PLOD1: variants seen among roughly 807,000 people sequenced by gnomAD.
PLOD1 encodes the protein procollagen-lysine,2-oxoglutarate 5-dioxygenase 1, also known as lysine hydroxylase.
PLOD1 carries 70 observed loss-of-function variants against 94.7 expected under a neutral mutation model. That is an observed-to-expected ratio of 0.74 (90% CI 0.61 to 0.90). The LOEUF is 0.90. Ranked by LOEUF, PLOD1 falls within the 40% of genes least tolerant of loss-of-function variation. The probability of loss-of-function intolerance (pLI) is 0.00; values close to 1 mark genes in which losing one functional copy is unlikely to be tolerated. For missense variants in PLOD1, 905 were observed against 972.7 expected, an observed-to-expected ratio of 0.93 and a Z score of 0.93; for synonymous variants, 417 against 400.2, an observed-to-expected ratio of 1.04 and a Z score of -0.50.
chr1:11,950,298 C>T lies in PLOD1; in HGVS notation c.303-59C>T, dbSNP rs1363621825. ...GATCCCTGGTCCCTCCTGTCTGTGCCCTCACTGGGCCCCTGCTCACCCTTG... is the reference window on the plus strand; with the variant it reads ...GATCCCTGGTCCCTCCTGTCTGTGCTCTCACTGGGCCCCTGCTCACCCTTG... On this transcript the variant is annotated intron_variant, in intron 3 of 18. Transcript: ENST00000196061. 7.1e-6 allele frequency: 11 copies of T among 1,540,886 alleles called. No individual in the cohort carries two copies. In the East Asian group the frequency reaches 2.5e-4, roughly 35 times the overall value.
In PLOD1 at chr1:11,972,804, C is replaced by G. The variant is rs1365063166; in HGVS notation, c.1903-68C>G. The G allele has an allele frequency of 1.4e-5, 22 of 1,587,696 alleles. No homozygotes were observed. The highest frequency in any genetic ancestry group is 1.8e-5 in the Non-Finnish European group (21 of 1,156,896). ...GCCAGACCAGGCCCCATGTGTGCAC[C>G]CTCCTCTCCTGGCCTTTGTGTCCTC... On this transcript the variant is annotated intron_variant, in intron 17 of 18. Coordinates refer to ENST00000196061, the MANE Select transcript of PLOD1 (RefSeq NM_000302.4). This position sits in a 1 kb window ranked among gnomAD's most constrained non-coding sequence, Gnocchi z 4.6.
chr1:11,937,364 C>T (rs763821765), intron 1 of PLOD1, among the ~76,000 whole-genome samples: 9 of 152,164 alleles, frequency 5.9e-5, no homozygotes, highest in African/African-American at 1.9e-4. Flanking sequence ...GAAAGGCCCT[C>T]GGCAAAGGGC....
intron 5 of PLOD1, chr1:11,954,271 G>A (rs1645722561): frequency 2.1e-5 from 6 of 288,596 alleles, no homozygotes; most frequent in Admixed American, 1.9e-4. Flanking sequence ...TCAGGAGTTC[G>A]AGACCAGCCT....
At position 11,958,401 on chromosome 1, in the gene PLOD1, T is replaced by G. The variant is rs746708085; in HGVS notation, c.844-115T>G. 18 of 1,243,548 alleles carry G rather than the reference T, an allele frequency of 1.4e-5. No individual in the cohort carries two copies. The highest frequency in any genetic ancestry group is 1.0e-5 in the Non-Finnish European group (9 of 875,336). 77.0% of individuals were successfully genotyped at this position (1,243,548 alleles called of 1,614,324 possible). ...AGTTCCCCGGCCCGGGCACCTTTCT[T>G]GGGAAGTCTACATGCTTCTGATTCT... On this transcript the variant is annotated intron_variant, in intron 8 of 18. Transcript: ENST00000196061. The surrounding 1 kb of genome is among the most constrained non-coding windows in gnomAD (Gnocchi z 4.3).
chr1:11,957,834 C>A lies in PLOD1; in HGVS notation c.742-8C>A. On this transcript the variant is annotated splice_region_variant and splice_polypyrimidine_tract_variant and intron_variant, in intron 7 of 18. Coordinates refer to ENST00000196061, the MANE Select transcript of PLOD1 (RefSeq NM_000302.4). This position sits in a 1 kb window ranked among gnomAD's most constrained non-coding sequence, Gnocchi z 4.1. ...TGGCTTCTCTGTGACCCCACGTCTC[C>A]CCGACAGCTGCAGTTGAACTACCTG... is the stretch of plus-strand genomic sequence containing the variant. 1 of 1,608,968 alleles carries A rather than the reference C, an allele frequency of 6.2e-7. No individual in the cohort carries two copies. Among genetic ancestry groups the A allele is most frequent in the South Asian group, 1.1e-5 (1 of 90,986 alleles).
intron 16 of PLOD1, among the ~76,000 whole-genome samples, chr1:11,967,894 C>T (rs1645833064): frequency 1.3e-5 from 2 of 150,690 alleles, no homozygotes; most frequent in South Asian, 2.1e-4. Flanking sequence ...GGATTATAGA[C>T]GTGTGCCACC....
At chr1:11,938,003 A>G (rs1645591604) in intron 1 of PLOD1, among the ~76,000 whole-genome samples, 2 of 139,352 alleles carry the variant, frequency 1.4e-5, no homozygotes, top group African/African-American at 2.8e-5. Flanking sequence ...CCCAGGCTGG[A>G]GTGCAGTGGC....
chr1:11,958,093 C>A lies in PLOD1; in HGVS notation c.843+150C>A. On this transcript the variant is annotated intron_variant, in intron 8 of 18. Coordinates refer to ENST00000196061, the MANE Select transcript of PLOD1 (RefSeq NM_000302.4). The surrounding 1 kb of genome is among the most constrained non-coding windows in gnomAD (Gnocchi z 4.3). Reference sequence around the variant, plus strand: ...CCTGGGGTTCTATCCCGGTTGCCACCCAAGTGCCTCCTCCTGGAAGCCCTC... The same window carrying A: ...CCTGGGGTTCTATCCCGGTTGCCACACAAGTGCCTCCTCCTGGAAGCCCTC... The A allele has an allele frequency of 1.5e-6, 1 of 648,412 alleles. No individual in the cohort carries two copies. Among genetic ancestry groups the A allele is most frequent in the South Asian group, 1.8e-5 (1 of 55,916 alleles). The allele number at this position is 648,412 out of a possible 1,614,324, so 40.2% of individuals were successfully genotyped here.
chr1:11,949,787 G>A lies in PLOD1; in HGVS notation c.183G>A (p.Gly61=). ...TTTCTCTCCAGGCGCTTGGCCTAGG[G>A]GAGGACTGGAATGTGGAGAAGGGGA... ...FNYKIQALGL[G]EDWNVEKGTS... The change falls in exon 3 of 19, where the codon GGG becomes GGA. Residue 61 remains glycine (G), a synonymous_variant. Coordinates refer to ENST00000196061, the MANE Select transcript of PLOD1 (RefSeq NM_000302.4). 1.2e-6 allele frequency: 2 copies of A among 1,613,968 alleles called. No homozygotes were observed. The highest frequency in any genetic ancestry group is 1.7e-6 in the Non-Finnish European group (2 of 1,179,952).
rs758826887 is a variant in PLOD1, at chr1:11,970,798, C to A, written c.1884C>A (p.Tyr628Ter). ...TTGCGCCCATGACGGAGAAGCTCTACCCCGGCTACTACACCAGGGTGGGCA... is the reference window on the plus strand; with the variant it reads ...TTGCGCCCATGACGGAGAAGCTCTAACCCGGCTACTACACCAGGGTGGGCA... Reference protein sequence around the residue: ...EYIAPMTEKLYPGYYTRAQFD... With the variant: ...EYIAPMTEKL Residue 628 changes from tyrosine (Y) to a stop codon, truncating the protein, a stop_gained, in exon 17 of 19, where the codon TAC (tyrosine) becomes TAA (stop). Transcript: ENST00000196061. LOFTEE classifies it high-confidence loss of function. 6.2e-7 allele frequency: 1 copy of A among 1,608,672 alleles called. No individual in the cohort carries two copies. Among genetic ancestry groups the A allele is most frequent in the Non-Finnish European group, 8.5e-7 (1 of 1,179,076 alleles).
In PLOD1 at chr1:11,957,502, C is replaced by T. The variant is rs979294232; in HGVS notation, c.742-340C>T. Among the ~76,000 whole-genome samples the T allele has an allele frequency of 4.6e-5, 7 of 152,270 alleles. No homozygotes were observed. The highest frequency in any genetic ancestry group is 3.4e-3 in the Middle Eastern group (1 of 294). ...AGCATATTTGAGTGTGGTCCTTCAC[C>T]GCTGGAATGAGGGAGAGGAAGGAGG... On this transcript the variant is annotated intron_variant, in intron 7 of 18. Transcript: ENST00000196061. This position sits in a 1 kb window ranked among gnomAD's most constrained non-coding sequence, Gnocchi z 4.1.
rs1434100191 is a variant in PLOD1 at position 11,958,248 on chromosome 1, A to G, written c.844-268A>G. Among the ~76,000 whole-genome samples the G allele has an allele frequency of 6.6e-6, 1 of 151,512 alleles. No individual in the cohort carries two copies. The highest frequency in any genetic ancestry group is 1.9e-4 in the East Asian group (1 of 5,154). ...TCCTCATTTATGACTCACCTCGAACACCACGCCAGCCACGATCTCCTGACA... is the reference window on the plus strand; with the variant it reads ...TCCTCATTTATGACTCACCTCGAACGCCACGCCAGCCACGATCTCCTGACA... On this transcript the variant is annotated intron_variant, in intron 8 of 18. Transcript: ENST00000196061. This position sits in a 1 kb window ranked among gnomAD's most constrained non-coding sequence, Gnocchi z 4.3.
intron 1 of PLOD1, among the ~76,000 whole-genome samples, chr1:11,937,525 T>C (rs1645588355): frequency 6.6e-6 from 1 of 152,140 alleles, no homozygotes; most frequent in Non-Finnish European, 1.5e-5. Flanking sequence ...GTGGCCTAGT[T>C]TTCTGGGCCT....
intron 11 of PLOD1, 119 bp from the exon 12 acceptor site, chr1:11,964,056 G>A (rs1335136002): frequency 2.9e-6 from 3 of 1,043,976 alleles, no homozygotes; most frequent in Non-Finnish European, 4.5e-6. Flanking sequence ...GTCTCAGTGA[G>A]GTGCTTGGGG....
chr1:11,967,831 C>A (rs950924188), intron 16 of PLOD1, among the ~76,000 whole-genome samples: 2 of 150,714 alleles, frequency 1.3e-5, no homozygotes, highest in Admixed American at 6.7e-5. Context: ...CTCATTGCAA[C>A]CTCTGCCTCC....
rs765315757 is a variant in PLOD1 at position 11,957,204 on chromosome 1, CTCTG to C, written c.741+196_741+199del. 2.0e-5 allele frequency: 15 copies of C among 757,242 alleles called. No individual in the cohort carries two copies. Among genetic ancestry groups the C allele is most frequent in the African/African-American group, 1.2e-4 (7 of 58,784 alleles). 46.9% of individuals were successfully genotyped at this position (757,242 alleles called of 1,614,324 possible). ...TTTCCTGCTGTGGTGGTCAGTGGTA[CTCTG>C]TCTGTTCTTGCTGGTCACAGGACAC... On this transcript the variant is annotated intron_variant, in intron 7 of 18. Transcript: ENST00000196061. This position sits in a 1 kb window ranked among gnomAD's most constrained non-coding sequence, Gnocchi z 4.1.
intron 4 of PLOD1, among the ~76,000 whole-genome samples, chr1:11,950,783 A>G (rs993605185): frequency 1.3e-5 from 2 of 152,002 alleles, no homozygotes; most frequent in Admixed American, 6.6e-5. Context: ...GTCCAATGCC[A>G]GTCACCTGTC....
At chr1:11,954,288 TGTG>T (rs1278830981) in intron 5 of PLOD1, 1 of 308,704 alleles carries the variant, frequency 3.2e-6, no homozygotes, top group Non-Finnish European at 6.1e-6. Flanking sequence ...GCCTGCTCAA[TGTG>T]GTGAAATCCC....
Position 11,958,022 on chromosome 1 carries a change from A to C in PLOD1, c.843+79A>C. 1 of 943,396 alleles carries C rather than the reference A, an allele frequency of 1.1e-6. No individual in the cohort carries two copies. Among genetic ancestry groups the C allele is most frequent in the African/African-American group, 1.6e-5 (1 of 62,046 alleles). 58.4% of individuals were successfully genotyped at this position (943,396 alleles called of 1,614,324 possible). A position where few individuals can be genotyped will look rare whatever the true frequency, so the allele number is the denominator to read the frequency against. On this transcript the variant is annotated intron_variant, in intron 8 of 18. Coordinates refer to ENST00000196061, the MANE Select transcript of PLOD1 (RefSeq NM_000302.4). This position sits in a 1 kb window ranked among gnomAD's most constrained non-coding sequence, Gnocchi z 4.3. ...AGATGGCGAGATGGGTGATTCTGGAATAGACTCCATTGTCTTTGGTGGAAA... is the reference window on the plus strand; with the variant it reads ...AGATGGCGAGATGGGTGATTCTGGACTAGACTCCATTGTCTTTGGTGGAAA...
Sources: gnomAD v4.1 joint callset for allele counts (sites outside exome capture counted in the v4.1 genomes callset) on GRCh38, gnomAD v4.1.1 for gene constraint, Gnocchi (gnomAD v3.1) non-coding constraint, MANE v1.5 for transcripts, NCBI Gene and HGNC (gene_info 2026-07-23, HGNC 2026-07-21) for gene names.